The following PTCRA variants were observed in gnomAD, a reference collection of about 807,000 sequenced individuals.
PTCRA encodes pre T cell antigen receptor alpha.
PTCRA carries 9 observed loss-of-function variants against 13.4 expected under a neutral mutation model. The observed-to-expected ratio is 0.67, with a 90% CI of 0.41 to 1.18. The LOEUF (loss-of-function observed/expected upper bound fraction) is 1.18. Ranked by LOEUF, PTCRA falls within the 50% of genes most tolerant of loss-of-function variation. The probability of loss-of-function intolerance (pLI) is 0.01; values close to 1 mark genes in which losing one functional copy is unlikely to be tolerated. For missense variants in PTCRA, 353 were observed against 359.8 expected, an observed-to-expected ratio of 0.98 and a Z score of 0.15; for synonymous variants, 153 against 161.9, an observed-to-expected ratio of 0.94 and a Z score of 0.42.
intron 1 of PTCRA, among the ~76,000 whole-genome samples, chr6:42,921,435 T>G (rs1400715682): frequency 2.7e-5 from 3 of 112,964 alleles, no homozygotes; most frequent in East Asian, 2.1e-4. Context: ...TTTTTTTTTT[T>G]TGAGAGAGAG....
chr6:42,925,483 G>A lies in PTCRA; in HGVS notation c.647G>A (p.Arg216Gln), dbSNP rs1282027548. The A allele has an allele frequency of 1.9e-6, 3 of 1,559,404 alleles. No individual in the cohort carries two copies. Among genetic ancestry groups the A allele is most frequent in the Admixed American group, 1.9e-5 (1 of 52,022 alleles). Residue 216 changes from arginine (R) to glutamine (Q), a missense_variant, in exon 4 of 4, where the codon CGG becomes CAG. Arg to Gln is a conservative substitution (Grantham distance 43). Coordinates refer to ENST00000304672, the MANE Select transcript of PTCRA (RefSeq NM_138296.3). This position sits in a 1 kb window ranked among gnomAD's most constrained non-coding sequence, Gnocchi z 4.4. ...EATSSPRPQPRDRRWGDTPPG... is the reference protein window; with the variant it reads ...EATSSPRPQPQDRRWGDTPPG... ...ACCAGCTCACCCAGACCCCAGCCTCGGGACCGCCGCTGGGGTGACACCCCT... is the reference window on the plus strand; with the variant it reads ...ACCAGCTCACCCAGACCCCAGCCTCAGGACCGCCGCTGGGGTGACACCCCT...
intron 1 of PTCRA, among the ~76,000 whole-genome samples, chr6:42,921,412 C>CTTTTTTT (rs59029514): frequency 1.2e-5 from 1 of 85,658 alleles, no homozygotes; most frequent in Non-Finnish European, 2.1e-5. Context: ...AACAAAGCTT[C>CTTTTTTT]TTTTTTTTTT....
At chr6:42,922,996 C>G in intron 1 of PTCRA, 31 bp from the exon 2 acceptor site, 1 of 1,609,270 alleles carries the variant, frequency 6.2e-7, no homozygotes, top group South Asian at 1.1e-5. Context: ...AAAAGCTGGT[C>G]TAGCACCCAC....
At chr6:42,920,485 C>G (rs1375020001) in intron 1 of PTCRA, among the ~76,000 whole-genome samples, 1 of 150,826 alleles carries the variant, frequency 6.6e-6, no homozygotes, top group Non-Finnish European at 1.5e-5. Context: ...AGTGCAGTGG[C>G]GCGATCTTGG....
At chr6:42,918,329 G>A (rs1766973110) in intron 1 of PTCRA, among the ~76,000 whole-genome samples, 1 of 149,606 alleles carries the variant, frequency 6.7e-6, no homozygotes, top group Non-Finnish European at 1.5e-5. Context: ...GCTGAGGCAG[G>A]TGGATCACGA....
At chr6:42,918,045 C>T (rs957781110) in intron 1 of PTCRA, among the ~76,000 whole-genome samples, 1 of 152,114 alleles carries the variant, frequency 6.6e-6, no homozygotes, top group Admixed American at 6.6e-5. Flanking sequence ...CACTTGAAGT[C>T]AGGAGTTTGA....
rs1249627193 is a variant in PTCRA at position 42,924,259 on chromosome 6, A to C, written c.410A>C (p.Gln137Pro). Reference protein sequence around the residue: ...GEASTARTCPQEPLRGTPGGA... With the variant: ...GEASTARTCPPEPLRGTPGGA... ...GCTTCTACAGCCAGGACCTGCCCCC[A>C]GGAGCCTCTCAGGGGTGAGTACTCC... The change falls in exon 3 of 4, where the codon CAG (glutamine) becomes CCG (proline). Residue 137 changes from glutamine to proline, a missense_variant. Gln to Pro is a moderately conservative substitution (Grantham distance 76). Coordinates refer to ENST00000304672, the MANE Select transcript of PTCRA (RefSeq NM_138296.3). 1.5e-5 allele frequency: 24 copies of C among 1,612,040 alleles called. No individual in the cohort carries two copies. The highest frequency in any genetic ancestry group is 2.0e-5 in the Non-Finnish European group (24 of 1,179,316).
chr6:42,918,331 G>A (rs975728796), intron 1 of PTCRA, among the ~76,000 whole-genome samples: 2 of 148,030 alleles, frequency 1.4e-5, no homozygotes, highest in African/African-American at 5.0e-5. Flanking sequence ...TGAGGCAGGT[G>A]GATCACGAGG....
intron 1 of PTCRA, among the ~76,000 whole-genome samples, chr6:42,918,602 A>C (rs1218339661): frequency 6.6e-6 from 1 of 151,844 alleles, no homozygotes; most frequent in African/African-American, 2.4e-5. Context: ...GACTCAGAAA[A>C]TTAAGTGAAT....
At position 42,923,206 on chromosome 6, in the gene PTCRA, C is replaced by G. The variant is rs1767273011; in HGVS notation, c.238C>G (p.Pro80Ala). The G allele has an allele frequency of 6.2e-7, 1 of 1,614,244 alleles. No individual in the cohort carries two copies. The highest frequency in any genetic ancestry group is 8.5e-7 in the Non-Finnish European group (1 of 1,180,040). The change falls in exon 2 of 4, where the codon CCA becomes GCA. Residue 80 changes from proline (P) to alanine (A), a missense_variant. Transcript: ENST00000304672. ...ALDAFTYGPS[P>A]ATDGTWTNLA... ...GGATGCCTTCACCTATGGCCCTTCC[C>G]CAGCAACGGATGGCACCTGGACCAA...
chr6:42,921,126 G>A (rs901441224), intron 1 of PTCRA, among the ~76,000 whole-genome samples: 1 of 148,048 alleles, frequency 6.8e-6, no homozygotes, highest in Non-Finnish European at 1.5e-5. Context: ...TTTTGAGACA[G>A]AATCTTGTGC....
chr6:42,925,178 GAGGACA>G lies in PTCRA; in HGVS notation c.425-79_425-74del, dbSNP rs1187056997. On this transcript the variant is annotated intron_variant, in intron 3 of 3. Coordinates refer to ENST00000304672, the MANE Select transcript of PTCRA (RefSeq NM_138296.3). This position sits in a 1 kb window ranked among gnomAD's most constrained non-coding sequence, Gnocchi z 4.4. ...GGGGTGAAGGGGACGGGCAAGGGCA[GAGGACA>G]AGGCCCTCTCCGCCGTTCTCTCCTG... The G allele has an allele frequency of 1.3e-6, 2 of 1,495,038 alleles. No homozygotes were observed. Among genetic ancestry groups the G allele is most frequent in the Admixed American group, 2.1e-5 (1 of 48,042 alleles). The allele number at this position is 1,495,038 out of a possible 1,614,324, so 92.6% of individuals were successfully genotyped here.
intron 1 of PTCRA, among the ~76,000 whole-genome samples, chr6:42,917,023 G>A (rs1766902274): frequency 6.6e-6 from 1 of 152,024 alleles, no homozygotes; most frequent in Non-Finnish European, 1.5e-5. Context: ...AGGCTCTGGA[G>A]GTTGAGTCCT....
intron 3 of PTCRA, among the ~76,000 whole-genome samples, chr6:42,924,997 G>A (rs1257501894): frequency 6.6e-6 from 1 of 151,536 alleles, no homozygotes; most frequent in Non-Finnish European, 1.5e-5. Context: ...TTTTGAGCTA[G>A]TTACTCTCTG....
At chr6:42,917,654 G>A (rs1766944038) in intron 1 of PTCRA, among the ~76,000 whole-genome samples, 1 of 148,528 alleles carries the variant, frequency 6.7e-6, no homozygotes, top group African/African-American at 2.5e-5. Context: ...GGTTCAAGCG[G>A]TTCTCCTGCC....
chr6:42,917,159 A>G (rs958026809), intron 1 of PTCRA, among the ~76,000 whole-genome samples: 3 of 150,452 alleles, frequency 2.0e-5, no homozygotes, highest in African/African-American at 7.3e-5. Flanking sequence ...CTTCACAACA[A>G]TTTTGCTGGG....
At chr6:42,924,021 A>C (rs1299353535) in intron 2 of PTCRA, among the ~76,000 whole-genome samples, 1 of 152,224 alleles carries the variant, frequency 6.6e-6, no homozygotes, top group Non-Finnish European at 1.5e-5. Flanking sequence ...AGGGCACAGA[A>C]CAGGGGACAC....
At chr6:42,916,757 T>C (rs1197845153) in intron 1 of PTCRA, among the ~76,000 whole-genome samples, 2 of 152,182 alleles carry the variant, frequency 1.3e-5, no homozygotes, top group African/African-American at 4.8e-5. Flanking sequence ...CATGTGTGCA[T>C]GTACGTGGTG....
chr6:42,923,344 TC>T lies in PTCRA; in HGVS notation c.377del (p.Ser126Ter). 6.2e-6 allele frequency: 10 copies of T among 1,613,838 alleles called. No individual in the cohort carries two copies. Among genetic ancestry groups the T allele is most frequent in the Non-Finnish European group, 8.5e-6 (10 of 1,179,836 alleles). On this transcript the variant is annotated frameshift_variant and splice_region_variant, in exon 2 of 4. Transcript: ENST00000304672. LOFTEE classifies it low-confidence loss of function (END_TRUNC). ...HSRSTQPMHL[S>X]GEASTARTCP... ...CAGGAGTACACAGCCCATGCATCTG[TC>T]AGGTGGGGATGGAGCCTGGGCCCTT... is the stretch of plus-strand genomic sequence containing the variant.
Sources: gnomAD v4.1 joint callset for allele counts (sites outside exome capture counted in the v4.1 genomes callset) on GRCh38, gnomAD v4.1.1 for gene constraint, Gnocchi (gnomAD v3.1) non-coding constraint, MANE v1.5 for transcripts, NCBI Gene and HGNC (gene_info 2026-07-23, HGNC 2026-07-21) for gene names.